The following GSTCD variants were observed in gnomAD, a reference collection of about 807,000 sequenced individuals.
GSTCD encodes glutathione S-transferase C-terminal domain-containing protein.
GSTCD carries 44 observed loss-of-function variants against 68.3 expected under a neutral mutation model. The observed-to-expected ratio is 0.64, with a 90% confidence interval of 0.51 to 0.83. The LOEUF is 0.83. GSTCD is among the 40% of genes least tolerant of loss of function. GSTCD has a pLI of 0.00. For missense variants in GSTCD, 739 were observed against 735.9 expected, an observed-to-expected ratio of 1.00 and a Z score of -0.05; for synonymous variants, 273 against 255.2, an observed-to-expected ratio of 1.07 and a Z score of -0.67.
chr4:105,816,023 A>G (rs1722967315), intron 5 of GSTCD, among the ~76,000 whole-genome samples: 1 of 152,156 alleles, frequency 6.6e-6, no homozygotes, highest in Non-Finnish European at 1.5e-5. Context: ...TCTTAGAGAA[A>G]AAAATAGCAG....
intron 5 of GSTCD, among the ~76,000 whole-genome samples, chr4:105,821,884 A>G (rs1723312823): frequency 6.6e-6 from 1 of 151,854 alleles, no homozygotes; most frequent in Admixed American, 6.6e-5. Context: ...TTTTATTTAC[A>G]TTTAAAAATC....
intron 8 of GSTCD, among the ~76,000 whole-genome samples, chr4:105,830,521 A>G (rs576378543): frequency 1.3e-5 from 2 of 152,286 alleles, no homozygotes; most frequent in East Asian, 3.9e-4. Context: ...TAAAGTAAAT[A>G]AGAAAAAGGA....
At chr4:105,735,142 G>A (rs1043747946) in intron 5 of GSTCD, among the ~76,000 whole-genome samples, 1 of 152,190 alleles carries the variant, frequency 6.6e-6, no homozygotes, top group African/African-American at 2.4e-5. Flanking sequence ...ACCCACTTGA[G>A]GAGGCAATCT....
intron 5 of GSTCD, among the ~76,000 whole-genome samples, chr4:105,731,920 CA>C (rs1225089607): frequency 6.6e-6 from 1 of 152,126 alleles, no homozygotes; most frequent in Non-Finnish European, 1.5e-5. Context: ...TGAATTTTGC[CA>C]AAGGCCTTTT....
intron 5 of GSTCD, among the ~76,000 whole-genome samples, chr4:105,784,882 G>C (rs938125879): frequency 6.6e-6 from 1 of 152,128 alleles, no homozygotes; most frequent in African/African-American, 2.4e-5. Context: ...CACTCCTGGA[G>C]CACTTCCTTG....
At position 105,717,715 on chromosome 4, in the gene GSTCD, T is replaced by C. The variant is rs749943836; in HGVS notation, c.102T>C (p.Thr34=). Residue 34 remains threonine (T), a synonymous_variant, in exon 2 of 12, where the codon ACT becomes ACC. Transcript: ENST00000515279. ...GCIFPLHTSV[T]LFLLSYCDCK... Reference sequence around the variant, plus strand: ...TCTTTCCTCTTCATACATCTGTAACTTTATTTCTGTTATCTTACTGTGACT... The same window carrying C: ...TCTTTCCTCTTCATACATCTGTAACCTTATTTCTGTTATCTTACTGTGACT... 6 of 1,613,432 alleles carry C rather than the reference T, an allele frequency of 3.7e-6. No homozygotes were observed. Among genetic ancestry groups the C allele is most frequent in the Non-Finnish European group, 5.1e-6 (6 of 1,179,512 alleles).
chr4:105,765,968 G>T (rs1267002759), intron 5 of GSTCD, among the ~76,000 whole-genome samples: 1 of 152,170 alleles, frequency 6.6e-6, no homozygotes, highest in Non-Finnish European at 1.5e-5. Context: ...AAATTACCCA[G>T]CCTTGGACAG....
intron 5 of GSTCD, among the ~76,000 whole-genome samples, chr4:105,814,069 T>A (rs1403760012): frequency 1.3e-5 from 2 of 152,148 alleles, no homozygotes; most frequent in Non-Finnish European, 2.9e-5. Flanking sequence ...AGAGGGAGAT[T>A]CAAAATTTCA....
chr4:105,736,551 GTTAGTGTAA>G (rs972250765), intron 5 of GSTCD, among the ~76,000 whole-genome samples: 1 of 152,024 alleles, frequency 6.6e-6, no homozygotes, highest in African/African-American at 2.4e-5. Context: ...TAATGATCAA[GTTAGTGTAA>G]TTAGCATATT....
chr4:105,809,049 TAA>T (rs1578493599), intron 5 of GSTCD, among the ~76,000 whole-genome samples: 1 of 152,086 alleles, frequency 6.6e-6, no homozygotes, highest in African/African-American at 2.4e-5. Context: ...AGTGAAAAAG[TAA>T]AAGTTATTGA....
chr4:105,845,349 C>T, intron 11 of GSTCD, 92 bp from the exon 12 acceptor site: 1 of 1,392,342 alleles, frequency 7.2e-7, no homozygotes, highest in African/African-American at 1.4e-5. Context: ...ATAGTACTTG[C>T]AGATTTTGTC....
intron 5 of GSTCD, among the ~76,000 whole-genome samples, chr4:105,782,509 A>AAAACC (rs934471143): frequency 6.6e-6 from 1 of 152,138 alleles, no homozygotes; most frequent in African/African-American, 2.4e-5. Flanking sequence ...AAAACAAAAC[A>AAAACC]AAACAACCAC....
intron 5 of GSTCD, among the ~76,000 whole-genome samples, chr4:105,768,426 A>G (rs1734707727): frequency 6.6e-6 from 1 of 152,186 alleles, no homozygotes; most frequent in African/African-American, 2.4e-5. Context: ...AGCAGTCTAT[A>G]GGTTTAAAAA....
chr4:105,794,847 C>CTATT (rs1399430188), intron 5 of GSTCD, among the ~76,000 whole-genome samples: 2 of 90,616 alleles, frequency 2.2e-5, no homozygotes, highest in Middle Eastern at 0.01. Context: ...ATTTATCTAT[C>CTATT]TATCTATCTA....
At chr4:105,725,351 T>C (rs951766063) in intron 3 of GSTCD, among the ~76,000 whole-genome samples, 2 of 152,258 alleles carry the variant, frequency 1.3e-5, no homozygotes, top group Middle Eastern at 3.4e-3. Context: ...TTCAACTCAT[T>C]TGAAGCACAA....
intron 5 of GSTCD, chr4:105,821,298 A>T (rs779618260): frequency 4.0e-5 from 6 of 151,864 alleles, no homozygotes; most frequent in Non-Finnish European, 8.8e-5. Flanking sequence ...ATCTAGGTGG[A>T]GGGTATAAAG....
Position 105,847,250 on chromosome 4 carries a change from A to G in GSTCD, c.*1673A>G, listed in dbSNP as rs1041618192. 1.4e-5 allele frequency: 2 copies of G among 147,720 alleles called. No homozygotes were observed. Among genetic ancestry groups the G allele is most frequent in the Non-Finnish European group, 3.0e-5 (2 of 67,406 alleles). The allele number at this position is 147,720 out of a possible 1,614,324, so 9.2% of individuals were successfully genotyped here. A position where few individuals can be genotyped will look rare whatever the true frequency, so the allele number is the denominator to read the frequency against. On this transcript the variant is annotated 3_prime_UTR_variant, in exon 12 of 12. Transcript: ENST00000515279. ...TGTATCATGAGGAGAAAGCACTATCATTGATCATCACTATGGATTAAAATA... is the reference window on the plus strand; with the variant it reads ...TGTATCATGAGGAGAAAGCACTATCGTTGATCATCACTATGGATTAAAATA...
intron 5 of GSTCD, among the ~76,000 whole-genome samples, chr4:105,811,607 A>G (rs1341931727): frequency 6.6e-6 from 1 of 151,550 alleles, no homozygotes; most frequent in South Asian, 2.1e-4. Flanking sequence ...GGTGCAGCAC[A>G]CCAGCGTGGC....
chr4:105,723,885 G>T (rs559356045), intron 3 of GSTCD, among the ~76,000 whole-genome samples: 7 of 151,754 alleles, frequency 4.6e-5, no homozygotes, highest in African/African-American at 1.7e-4. Flanking sequence ...GGTAACAAAT[G>T]GATTCTTTAT....
Sources: allele counts gnomAD v4.1 joint callset (sites outside exome capture counted in the v4.1 genomes callset), GRCh38; gene constraint gnomAD v4.1.1; transcripts MANE v1.5; gene names NCBI Gene and HGNC (gene_info 2026-07-23, HGNC 2026-07-21).